SOX5: variants seen among roughly 807,000 people sequenced by gnomAD.
SOX5 encodes the protein transcription factor SOX-5.
A neutral mutation model predicts 92.0 loss-of-function variants in SOX5; 9 were observed. The ratio of observed to expected loss-of-function variants is 0.10; its 90% CI spans 0.06 to 0.17. The LOEUF (loss-of-function observed/expected upper bound fraction) is 0.17. SOX5 is among the 10% of genes least tolerant of loss of function. SOX5 has a pLI of 1.00. For synonymous variants in SOX5, 344 were observed against 336.3 expected (o/e 1.02, Z -0.25); for missense variants, 642 against 944.5 (o/e 0.68, Z 4.20).
intron 1 of SOX5, among the ~76,000 whole-genome samples, chr12:24,449,625 T>C (rs1308444195): frequency 6.6e-6 from 1 of 152,224 alleles, no homozygotes; most frequent in African/African-American, 2.4e-5. Flanking sequence ...AAACAGGGCC[T>C]GGAAGATAAT....
intron 2 of SOX5, among the ~76,000 whole-genome samples, chr12:24,336,612 T>TG (rs773224157): frequency 2.0e-5 from 3 of 152,184 alleles, no homozygotes; most frequent in Non-Finnish European, 2.9e-5. Flanking sequence ...TAAGAAATTT[T>TG]CATACAGTGA....
chr12:24,442,252 A>C (rs1301409342), intron 1 of SOX5, among the ~76,000 whole-genome samples: 1 of 152,194 alleles, frequency 6.6e-6, no homozygotes, highest in Non-Finnish European at 1.5e-5. Context: ...CTGTTAGGTC[A>C]GTTTCCATGT....
intron 6 of SOX5, among the ~76,000 whole-genome samples, chr12:23,701,724 T>C (rs1032458110): frequency 1.3e-5 from 2 of 152,048 alleles, no homozygotes; most frequent in African/African-American, 4.8e-5. Context: ...AGAATAGATT[T>C]GTAGTGACAT....
chr12:24,489,418 G>A (rs1407166970), intron 1 of SOX5, among the ~76,000 whole-genome samples: 1 of 152,254 alleles, frequency 6.6e-6, no homozygotes, highest in Non-Finnish European at 1.5e-5. Context: ...CTTTCCCTGG[G>A]GGTCTAAGTG....
intron 6 of SOX5, among the ~76,000 whole-genome samples, chr12:23,704,713 T>TATATATATAC (rs1305435619): frequency 4.4e-4 from 39 of 89,070 alleles, no homozygotes; most frequent in Admixed American, 2.7e-3. Flanking sequence ...TATATATATA[T>TATATATATAC]ATACACACAC....
chr12:24,285,719 A>G (rs1257904270), intron 2 of SOX5, among the ~76,000 whole-genome samples: 1 of 152,244 alleles, frequency 6.6e-6, no homozygotes, highest in Non-Finnish European at 1.5e-5. Context: ...ATAACAAAAC[A>G]TGACCTTCCA....
intron 4 of SOX5, among the ~76,000 whole-genome samples, chr12:24,190,927 C>A (rs1460426540): frequency 6.6e-6 from 1 of 151,998 alleles, no homozygotes. Flanking sequence ...CAGGAAATAA[C>A]CTTCTTTTAA....
intron 4 of SOX5, among the ~76,000 whole-genome samples, chr12:24,082,099 C>G (rs900728679): frequency 3.3e-5 from 5 of 151,746 alleles, no homozygotes; most frequent in Non-Finnish European, 7.4e-5. Flanking sequence ...TTGCTATTTT[C>G]GAGCATGTGT....
intron 2 of SOX5, among the ~76,000 whole-genome samples, chr12:24,361,362 C>G (rs1955533906): frequency 6.6e-6 from 1 of 152,130 alleles, no homozygotes; most frequent in African/African-American, 2.4e-5. Context: ...GAATCCCGCC[C>G]CACCTCTTAC....
chr12:24,049,638 G>GTTTTTTTTTTTTTTTTTTT (rs527647441), intron 4 of SOX5, among the ~76,000 whole-genome samples: 2 of 73,772 alleles, frequency 2.7e-5, no homozygotes, highest in African/African-American at 5.9e-5. Flanking sequence ...ATCCTTCATA[G>GTTTTTTTTTTTTTTTTTTT]TTTTTTTTTT....
chr12:24,397,783 C>T (rs1362522560), intron 1 of SOX5, among the ~76,000 whole-genome samples: 1 of 151,884 alleles, frequency 6.6e-6, no homozygotes, highest in African/African-American at 2.4e-5. Flanking sequence ...TGCTTTTTCC[C>T]CTACACTTAT....
At chr12:24,232,859 TA>T (rs1225406263) in intron 3 of SOX5, among the ~76,000 whole-genome samples, 3 of 151,732 alleles carry the variant, frequency 2.0e-5, no homozygotes, top group South Asian at 4.2e-4. Flanking sequence ...TTCCGACACT[TA>T]AAAAAAAACT....
At chr12:23,848,366 A>G (rs989181650) in intron 2 of SOX5, among the ~76,000 whole-genome samples, 1 of 152,242 alleles carries the variant, frequency 6.6e-6, no homozygotes, top group Non-Finnish European at 1.5e-5. Flanking sequence ...AAAGTTTAGT[A>G]TATTTCACAA....
intron 4 of SOX5, among the ~76,000 whole-genome samples, chr12:24,053,219 T>C (rs1194711041): frequency 2.0e-5 from 3 of 150,642 alleles, no homozygotes; most frequent in Non-Finnish European, 3.0e-5. Flanking sequence ...TCTCACTCTG[T>C]TGCCCAGGCT....
intron 4 of SOX5, among the ~76,000 whole-genome samples, chr12:24,173,267 G>A (rs1000968715): frequency 4.6e-5 from 7 of 152,206 alleles, no homozygotes; most frequent in Non-Finnish European, 7.3e-5. Context: ...AGATGGTTTC[G>A]AGCCATTGCT....
rs966654759 is a variant in SOX5 at position 24,374,642 on chromosome 12, C to G, written c.-250-6003G>C. On this transcript the variant is annotated intron_variant, in intron 1 of 4. Transcript: ENST00000446891. The stretch of plus-strand genomic sequence containing the variant: ...TAGGTCAGCAACAGATTCACTGGCT[C>G]AAAGTCCAGGTGGGGCCAATTGCAT... Among the ~76,000 whole-genome samples the G allele has an allele frequency of 2.6e-5, 4 of 152,140 alleles. No individual in the cohort carries two copies. The South Asian group carries it at 6.2e-4, about 24-fold the overall frequency.
At chr12:24,423,121 C>T (rs983326781) in intron 1 of SOX5, among the ~76,000 whole-genome samples, 1 of 152,150 alleles carries the variant, frequency 6.6e-6, no homozygotes, top group African/African-American at 2.4e-5. Context: ...AATCTGCACT[C>T]CTATAAATAG....
At chr12:24,222,797 T>C (rs1459116436) in intron 3 of SOX5, among the ~76,000 whole-genome samples, 1 of 152,310 alleles carries the variant, frequency 6.6e-6, no homozygotes, top group Non-Finnish European at 1.5e-5. Flanking sequence ...AAAAAATATA[T>C]AGCCCAAAGG....
intron 3 of SOX5, among the ~76,000 whole-genome samples, chr12:23,769,654 T>C (rs1280712233): frequency 1.3e-5 from 2 of 152,178 alleles, no homozygotes; most frequent in Admixed American, 6.6e-5. Context: ...GATGATAAGA[T>C]ATATGTTGAA....
Sources: allele counts gnomAD v4.1 joint callset (sites outside exome capture counted in the v4.1 genomes callset), GRCh38; gene constraint gnomAD v4.1.1; transcripts MANE v1.5; gene names NCBI Gene and HGNC (gene_info 2026-07-23, HGNC 2026-07-21).